Variants in SPECC1 observed in about 807,000 individuals in gnomAD.
SPECC1 encodes sperm antigen with calponin homology and coiled-coil domains 1.
A neutral mutation model predicts 104.1 loss-of-function variants in SPECC1; 62 were observed. The observed-to-expected ratio is 0.60, with a 90% confidence interval of 0.49 to 0.74. The LOEUF is 0.74. SPECC1 is among the 30% of genes least tolerant of loss of function. SPECC1 has a pLI of 0.00. For synonymous variants in SPECC1, 513 were observed against 501.6 expected, an observed-to-expected ratio of 1.02 and a Z score of -0.30; for missense variants, 1,306 against 1,310.5, an observed-to-expected ratio of 1.00 and a Z score of 0.05.
chr17:20,096,784 T>C lies in SPECC1; in HGVS notation c.133T>C (p.Ser45Pro), dbSNP rs1478455730. ...SKSSTSLAFE[S>P]RLSRLKRASS... is the part of the protein sequence containing the mutation. ...GTCTTCAACTTCCTTGGCTTTTGAG[T>C]CCCGACTCAGCAGGGTATGGATCAA... is the stretch of plus-strand genomic sequence containing the variant. Residue 45 changes from serine (S) to proline (P), a missense_variant, in exon 2 of 15, where the codon TCC (serine) becomes CCC (proline). Around this residue, in one of 2 missense-constraint regions of SPECC1, gnomAD observed 1,177 missense variants for 1,139.9 expected, o/e 1.03. Coordinates refer to ENST00000395527, the MANE Select transcript of SPECC1 (RefSeq NM_001243439.2). The C allele has an allele frequency of 6.2e-7, 1 of 1,613,408 alleles. No individual in the cohort carries two copies. Among genetic ancestry groups the C allele is most frequent in the African/African-American group, 1.3e-5 (1 of 74,830 alleles).
intron 7 of SPECC1, among the ~76,000 whole-genome samples, chr17:20,242,721 T>A (rs1467441549): frequency 6.6e-6 from 1 of 152,224 alleles, no homozygotes; most frequent in African/African-American, 2.4e-5. Context: ...TGGCCAGAGC[T>A]GGATTTGCAC....
At chr17:20,292,813 G>A (rs1212522340) in intron 12 of SPECC1, among the ~76,000 whole-genome samples, 1 of 152,200 alleles carries the variant, frequency 6.6e-6, no homozygotes, top group Admixed American at 6.5e-5. Context: ...ACTGCTGAAA[G>A]TTGACTGTGC....
At chr17:20,141,117 CCT>C (rs2030742598) in intron 3 of SPECC1, among the ~76,000 whole-genome samples, 1 of 152,196 alleles carries the variant, frequency 6.6e-6, no homozygotes, top group Non-Finnish European at 1.5e-5. Flanking sequence ...ATGCTGTTCA[CCT>C]GGAAAGGACC....
chr17:20,159,171 C>A (rs1442325798), intron 3 of SPECC1, among the ~76,000 whole-genome samples: 5 of 152,104 alleles, frequency 3.3e-5, no homozygotes, highest in Admixed American at 2.6e-4. Flanking sequence ...TCTTGAACTC[C>A]TGACCTCAAG....
At chr17:20,155,246 T>A (rs1031368091) in intron 3 of SPECC1, 2 of 152,240 alleles carry the variant, frequency 1.3e-5, no homozygotes, top group Non-Finnish European at 2.9e-5. Context: ...TGGAACCAAG[T>A]GAACACACTG....
At chr17:20,168,654 C>A (rs2033849820) in intron 3 of SPECC1, among the ~76,000 whole-genome samples, 1 of 152,036 alleles carries the variant, frequency 6.6e-6, no homozygotes, top group Admixed American at 6.6e-5. Context: ...TTTGTAGATA[C>A]TAGAATTCTC....
chr17:20,020,404 C>T (rs1178451387), intron 1 of SPECC1, among the ~76,000 whole-genome samples: 6 of 150,888 alleles, frequency 4.0e-5, no homozygotes, highest in African/African-American at 9.8e-5. Flanking sequence ...GGTGTGATCT[C>T]GGCTCCCTGC....
At chr17:20,055,462 A>G (rs2045927232) in intron 1 of SPECC1, among the ~76,000 whole-genome samples, 1 of 152,146 alleles carries the variant, frequency 6.6e-6, no homozygotes, top group Admixed American at 6.5e-5. Context: ...GTTTCTCTAC[A>G]TCCTCACCAA....
At chr17:20,144,411 G>A (rs550390703) in intron 3 of SPECC1, among the ~76,000 whole-genome samples, 5 of 151,792 alleles carry the variant, frequency 3.3e-5, no homozygotes, top group African/African-American at 9.7e-5. Context: ...GGCTGGTCTC[G>A]AACTACTGAG....
At chr17:20,294,372 C>A (rs1317900162) in intron 12 of SPECC1, among the ~76,000 whole-genome samples, 1 of 152,208 alleles carries the variant, frequency 6.6e-6, no homozygotes, top group Non-Finnish European at 1.5e-5. Flanking sequence ...TCTCCCCATG[C>A]AGCCTCATGC....
chr17:20,288,464 C>T (rs2041036895), intron 12 of SPECC1, among the ~76,000 whole-genome samples: 1 of 151,764 alleles, frequency 6.6e-6, no homozygotes, highest in African/African-American at 2.4e-5. Flanking sequence ...TTTATGTAGC[C>T]AACAAATATA....
At chr17:20,038,403 C>CT (rs10718870) in intron 1 of SPECC1, among the ~76,000 whole-genome samples, 12,934 of 99,380 alleles carry the variant, frequency 0.13, 1,227 homozygotes, top group African/African-American at 0.25. Flanking sequence ...TTTTGATATT[C>CT]TTTTTTTTTT....
At position 20,218,039 on chromosome 17, in the gene SPECC1, C is replaced by CA. The variant is rs562683225; in HGVS notation, c.1864-9367dup. On this transcript the variant is annotated intron_variant, in intron 4 of 14. Transcript: ENST00000395527. ...AGAGCAAGACCTTGTCCCTTGACTC[C>CA]AAAAAAACTAAAAAATAGTAAAGTC... 3.1e-4 allele frequency among the ~76,000 whole-genome samples: 47 copies of CA among 152,086 alleles called. No individual in the cohort carries two copies. The East Asian group carries it at 8.9e-3, about 29-fold the overall frequency.
At chr17:20,083,002 G>A (rs3889220) in intron 1 of SPECC1, among the ~76,000 whole-genome samples, 47,091 of 145,486 alleles carry the variant, frequency 0.32, 8,361 homozygotes, top group Middle Eastern at 0.47. Context: ...TCGTTCGTTC[G>A]TTCATTCATC....
intron 1 of SPECC1, among the ~76,000 whole-genome samples, chr17:20,057,464 A>G (rs1042532701): frequency 6.6e-6 from 1 of 151,936 alleles, no homozygotes; most frequent in African/African-American, 2.4e-5. Flanking sequence ...AACAACAACA[A>G]CAGCAAAAAA....
At chr17:20,194,018 T>C (rs1339691503) in intron 3 of SPECC1, among the ~76,000 whole-genome samples, 1 of 152,208 alleles carries the variant, frequency 6.6e-6, no homozygotes, top group African/African-American at 2.4e-5. Flanking sequence ...TTGAAACATA[T>C]TTCTCTCTCC....
chr17:20,073,250 G>A lies in SPECC1; in HGVS notation c.-21-23381G>A, dbSNP rs188894084. 1.9e-3 allele frequency among the ~76,000 whole-genome samples: 289 copies of A among 152,190 alleles called. 2 individuals are homozygous for A. Among genetic ancestry groups the A allele is most frequent in the African/African-American group, 6.3e-3 (261 of 41,504 alleles). On this transcript the variant is annotated intron_variant, in intron 1 of 14. Coordinates refer to ENST00000395527, the MANE Select transcript of SPECC1 (RefSeq NM_001243439.2). ...GTGTTCACAGGGTCATGGCAAGGTG[G>A]TGGGGCGTGGCTGAAGCTTCAGGGT...
chr17:20,227,761 C>A (rs1753691954), intron 5 of SPECC1, 141 bp downstream of exon 5: 1 of 730,208 alleles, frequency 1.4e-6, no homozygotes, highest in Admixed American at 3.5e-5. Flanking sequence ...ACTAAAAATA[C>A]AAAATTAGCC....
intron 12 of SPECC1, among the ~76,000 whole-genome samples, chr17:20,271,351 C>T (rs190863749): frequency 6.6e-6 from 1 of 152,048 alleles, no homozygotes; most frequent in Non-Finnish European, 1.5e-5. Context: ...CACTCCCACC[C>T]CCCCCATGCT....
Sources: gnomAD v4.1 joint callset for allele counts (sites outside exome capture counted in the v4.1 genomes callset) on GRCh38, gnomAD v4.1.1 for gene constraint, gnomAD v4.1.1 regional missense constraint, MANE v1.5 for transcripts, NCBI Gene and HGNC (gene_info 2026-07-23, HGNC 2026-07-21) for gene names.